The following ZNF581 variants were observed in gnomAD, a reference collection of about 807,000 sequenced individuals.
The protein encoded by ZNF581 is zinc finger protein 581.
Under a neutral mutation model 1.2 loss-of-function variants are expected in ZNF581, and 1 was observed. The ratio of observed to expected loss-of-function variants is 0.83; its 90% CI spans 0.30 to 3.95. The LOEUF is 3.95. Ranked by LOEUF, ZNF581 falls within the 30% of genes most tolerant of loss-of-function variation. ZNF581 has a pLI of 0.18. For missense variants in ZNF581, 273 were observed against 274.6 expected (o/e 0.99, Z 0.04); for synonymous variants, 105 against 109.2 (o/e 0.96, Z 0.24).
upstream of ZNF581, among the ~76,000 whole-genome samples, chr19:55,639,744 G>A (rs1007051966): frequency 2.6e-5 from 4 of 152,156 alleles, no homozygotes; most frequent in African/African-American, 2.4e-5. Context: ...AGCCTCCCAA[G>A]TAGCTGGGAC....
At chr19:55,642,137 A>G (rs1057059775), upstream of ZNF581, 2 of 1,019,280 alleles carry the variant, frequency 2.0e-6, no homozygotes, top group African/African-American at 3.4e-5. Context: ...CCGGGGTCTA[A>G]GATGTAAAGA....
chr19:55,639,006 C>CAAAAAAA (rs753198174), upstream of ZNF581, among the ~76,000 whole-genome samples: 1 of 88,194 alleles, frequency 1.1e-5, no homozygotes, highest in Non-Finnish European at 2.0e-5. Context: ...ACTCCATCTC[C>CAAAAAAA]AAAAAAAAAA....
rs1217631827 is a variant in ZNF581 at position 55,644,600 on chromosome 19, A to G, written c.29A>G (p.Gln10Arg). ...CTGGTGCTGCCATCCCCCTGCCCTCAGCCTCTGGCATTTTCCTCCGTTGAG... is the reference window on the plus strand; with the variant it reads ...CTGGTGCTGCCATCCCCCTGCCCTCGGCCTCTGGCATTTTCCTCCGTTGAG... MLVLPSPCP[Q>R]PLAFSSVETM... Residue 10 changes from glutamine to arginine, a missense_variant, in exon 2 of 2, where the codon CAG (glutamine) becomes CGG (arginine). Gln to Arg is a conservative substitution (Grantham distance 43, BLOSUM62 1). Transcript: ENST00000270451. This position sits in a 1 kb window ranked among gnomAD's most constrained non-coding sequence, Gnocchi z 4.3. 3 of 1,605,244 alleles carry G rather than the reference A, an allele frequency of 1.9e-6. No homozygotes were observed. The highest frequency in any genetic ancestry group is 2.6e-6 in the Non-Finnish European group (3 of 1,175,804).
chr19:55,642,857 C>T, upstream of ZNF581: 1 of 1,571,778 alleles, frequency 6.4e-7, no homozygotes, highest in Non-Finnish European at 8.6e-7. Flanking sequence ...GCACTCGGAC[C>T]TCAAGCCCTT....
In ZNF581 at chr19:55,644,900, C is replaced by A; in HGVS notation, c.329C>A (p.Ser110Ter). Reference protein sequence around the residue: ...SYLQRHSITHSEVKPFECDIC... With the variant: ...SYLQRHSITH ...CTTCAGCGACACAGCATCACCCACT[C>A]GGAGGTAAAGCCCTTCGAGTGTGAC... The change falls in exon 2 of 2, where the codon TCG becomes TAG. Residue 110 changes from serine to a stop codon, truncating the protein, a stop_gained. Transcript: ENST00000270451. LOFTEE classifies it low-confidence loss of function (END_TRUNC). This position sits in a 1 kb window ranked among gnomAD's most constrained non-coding sequence, Gnocchi z 4.3. 6.2e-7 allele frequency: 1 copy of A among 1,613,966 alleles called. No individual in the cohort carries two copies. The highest frequency in any genetic ancestry group is 8.5e-7 in the Non-Finnish European group (1 of 1,179,876).
At chr19:55,640,191 G>A (rs571598581), upstream of ZNF581, 31 of 985,464 alleles carry the variant, frequency 3.1e-5, no homozygotes, top group South Asian at 1.4e-3. Flanking sequence ...GCTGGAGGAG[G>A]AGCTGCAGCT....
At chr19:55,640,783 A>T (rs1186664070), upstream of ZNF581, 3 of 985,310 alleles carry the variant, frequency 3.0e-6, no homozygotes, top group African/African-American at 5.2e-5. Context: ...CGAAGACGTA[A>T]CTTTGCTTAG....
upstream of ZNF581, chr19:55,640,520 G>A (rs1009373578): frequency 2.0e-6 from 2 of 985,344 alleles, no homozygotes; most frequent in South Asian, 4.7e-5. Context: ...CATGTGCCCC[G>A]TGGAAAGAAC....
upstream of ZNF581, among the ~76,000 whole-genome samples, chr19:55,637,362 CCT>C (rs1982151858): frequency 6.6e-6 from 1 of 152,036 alleles, no homozygotes; most frequent in Non-Finnish European, 1.5e-5. Flanking sequence ...AGGGTGAAAC[CCT>C]GTCTCTTCTA....
chr19:55,638,487 G>A (rs1052758994), upstream of ZNF581, among the ~76,000 whole-genome samples: 46 of 152,004 alleles, frequency 3.0e-4, no homozygotes, highest in Non-Finnish European at 6.3e-4. Flanking sequence ...TGCCCGCCTC[G>A]CCCTCCCAAA....
At chr19:55,639,837 G>A (rs754927850), upstream of ZNF581, among the ~76,000 whole-genome samples, 8 of 152,274 alleles carry the variant, frequency 5.3e-5, no homozygotes, top group Non-Finnish European at 1.2e-4. Context: ...GGCTGGTCTC[G>A]AACTCCTGAC....
At position 55,645,324 on chromosome 19, in the gene ZNF581, C is replaced by T. The variant is rs752776733; in HGVS notation, c.*159C>T. 50 of 579,024 alleles carry T rather than the reference C, an allele frequency of 8.6e-5. No homozygotes were observed. Among genetic ancestry groups the T allele is most frequent in the Admixed American group, 2.6e-4 (7 of 27,438 alleles). 35.9% of individuals were successfully genotyped at this position (579,024 alleles called of 1,614,324 possible). ...CAGAGCCCTGCCTGAAGGAGGAATCCGTGAGTAATCTTCAGGTCCTCCGTG... is the reference window on the plus strand; with the variant it reads ...CAGAGCCCTGCCTGAAGGAGGAATCTGTGAGTAATCTTCAGGTCCTCCGTG... On this transcript the variant is annotated 3_prime_UTR_variant, in exon 2 of 2. Coordinates refer to ENST00000270451, the MANE Select transcript of ZNF581 (RefSeq NM_016535.4).
At chr19:55,642,706 G>T, upstream of ZNF581, 1 of 1,487,004 alleles carries the variant, frequency 6.7e-7, no homozygotes, top group African/African-American at 1.5e-5. Context: ...ACACATACAC[G>T]GTGCAGCTGG....
upstream of ZNF581, chr19:55,640,842 C>CGGGAGGT: frequency 1.0e-6 from 1 of 985,516 alleles, no homozygotes; most frequent in Non-Finnish European, 1.2e-6. Context: ...TCGTTCCGTT[C>CGGGAGGT]GGGAGGTGGG....
At chr19:55,639,257 T>C (rs1333023715), upstream of ZNF581, among the ~76,000 whole-genome samples, 2 of 152,090 alleles carry the variant, frequency 1.3e-5, no homozygotes, top group African/African-American at 4.8e-5. Flanking sequence ...CTCAACACTC[T>C]ACAGTGCACA....
At chr19:55,642,865 C>T (rs1036019267), upstream of ZNF581, 4 of 1,569,170 alleles carry the variant, frequency 2.5e-6, no homozygotes, top group East Asian at 2.4e-5. Flanking sequence ...ACCTCAAGCC[C>T]TTCACGTGCG....
At chr19:55,635,624 T>C in exon 1 of ZNF581, 1 of 976,998 alleles carries the variant, frequency 1.0e-6, no homozygotes. Context: ...GAACTGAAGT[T>C]TGGGGACATG....
chr19:55,645,166 G>A lies in ZNF581; in HGVS notation c.*1G>A. 3 of 1,512,714 alleles carry A rather than the reference G, an allele frequency of 2.0e-6. No homozygotes were observed. Among genetic ancestry groups the A allele is most frequent in the African/African-American group, 2.8e-5 (2 of 71,826 alleles). The allele number at this position is 1,512,714 out of a possible 1,614,324, so 93.7% of individuals were successfully genotyped here. A position where few individuals can be genotyped will look rare whatever the true frequency, so the allele number is the denominator to read the frequency against. On this transcript the variant is annotated 3_prime_UTR_variant, in exon 2 of 2. Coordinates refer to ENST00000270451, the MANE Select transcript of ZNF581 (RefSeq NM_016535.4). Reference sequence around the variant, plus strand: ...ACACACGCGGTGGAAGCATCCATGAGCCGGGCTGCCGGGTGCCCCAGGTAC... The same window carrying A: ...ACACACGCGGTGGAAGCATCCATGAACCGGGCTGCCGGGTGCCCCAGGTAC...
chr19:55,641,262 G>A, upstream of ZNF581: 1 of 916,812 alleles, frequency 1.1e-6, no homozygotes, highest in Non-Finnish European at 1.3e-6. Flanking sequence ...GTGCGCTGGA[G>A]CCACCCGGGA....
Sources: gnomAD v4.1 joint callset for allele counts (sites outside exome capture counted in the v4.1 genomes callset) on GRCh38, gnomAD v4.1.1 for gene constraint, Gnocchi (gnomAD v3.1) non-coding constraint, MANE v1.5 for transcripts, NCBI Gene and HGNC (gene_info 2026-07-23, HGNC 2026-07-21) for gene names.